Variants in SDHAF3 observed in about 807,000 individuals in gnomAD.
The protein encoded by SDHAF3 is succinate dehydrogenase complex assembly factor 3.
Under a neutral mutation model 11.5 loss-of-function variants are expected in SDHAF3, and 18 were observed. That is an observed-to-expected ratio of 1.56 (90% confidence interval 1.08 to 2.32). The LOEUF (loss-of-function observed/expected upper bound fraction) is 2.32. SDHAF3 is among the 30% of genes most tolerant of loss of function. The pLI is 0.00. For missense variants in SDHAF3, 200 were observed against 154.4 expected, an observed-to-expected ratio of 1.30 and a Z score of -1.57; for synonymous variants, 72 against 59.3, an observed-to-expected ratio of 1.21 and a Z score of -0.99.
At chr7:97,160,297 C>T (rs1789385260) in intron 1 of SDHAF3, among the ~76,000 whole-genome samples, 1 of 144,478 alleles carries the variant, frequency 6.9e-6, no homozygotes, top group African/African-American at 2.6e-5. Flanking sequence ...GCCCGGCCAC[C>T]CCATCTGGGA....
intron 1 of SDHAF3, among the ~76,000 whole-genome samples, chr7:97,176,286 A>G (rs1318556749): frequency 6.6e-6 from 1 of 152,132 alleles, no homozygotes; most frequent in African/African-American, 2.4e-5. Context: ...TGCTTAACTT[A>G]CCCTGAGGAA....
Position 97,117,757 on chromosome 7 carries a change from T to C in SDHAF3, c.34T>C (p.Leu12=), listed in dbSNP as rs761098610. 2.5e-6 allele frequency: 4 copies of C among 1,614,050 alleles called. No homozygotes were observed. The South Asian group carries it at 3.3e-5, about 13-fold the overall frequency. The change falls in exon 1 of 2, where the codon TTG becomes CTG. Residue 12 remains leucine (L), a synonymous_variant. Transcript: ENST00000432641. The stretch of plus-strand genomic sequence containing the variant: ...GCGGCACGTTTCTCGAGTCCGGGCA[T>C]TGTACAAGCGCGTCTTGCAGCTGCA... ...PGRHVSRVRA[L]YKRVLQLHRV...
chr7:97,142,042 C>CTTTTTTTGTTTTTTTTTT (rs1789055503), intron 1 of SDHAF3, among the ~76,000 whole-genome samples: 1 of 61,680 alleles, frequency 1.6e-5, no homozygotes, highest in East Asian at 6.7e-4. Flanking sequence ...GAATTGTTGT[C>CTTTTTTTGTTTTTTTTTT]TTTTTTTTTT....
intron 1 of SDHAF3, among the ~76,000 whole-genome samples, chr7:97,161,936 T>C (rs1351274706): frequency 6.6e-6 from 1 of 152,218 alleles, no homozygotes; most frequent in African/African-American, 2.4e-5. Context: ...TATAATCCTT[T>C]GGGTATATAT....
chr7:97,163,588 GC>G (rs1249861137), intron 1 of SDHAF3, among the ~76,000 whole-genome samples: 1 of 152,168 alleles, frequency 6.6e-6, no homozygotes, highest in African/African-American at 2.4e-5. Context: ...ACATTGATGA[GC>G]CTTGACTCTT....
chr7:97,155,085 T>G (rs1224289719), intron 1 of SDHAF3, among the ~76,000 whole-genome samples: 2 of 152,224 alleles, frequency 1.3e-5, no homozygotes, highest in African/African-American at 4.8e-5. Context: ...CAAAATTGCT[T>G]TGGCTATAAT....
chr7:97,161,141 C>G (rs898766765), intron 1 of SDHAF3, among the ~76,000 whole-genome samples: 3 of 152,170 alleles, frequency 2.0e-5, no homozygotes, highest in Non-Finnish European at 4.4e-5. Flanking sequence ...AGTCACAGTA[C>G]TCTACAGTGT....
chr7:97,166,241 ACAT>A (rs1320862216), intron 1 of SDHAF3, among the ~76,000 whole-genome samples: 1 of 152,208 alleles, frequency 6.6e-6, no homozygotes, highest in Non-Finnish European at 1.5e-5. Context: ...GGAGGTCCTG[ACAT>A]CATATGCCCT....
At chr7:97,158,274 T>C (rs1269729613) in intron 1 of SDHAF3, among the ~76,000 whole-genome samples, 2 of 152,214 alleles carry the variant, frequency 1.3e-5, no homozygotes, top group Admixed American at 1.3e-4. Flanking sequence ...AACCTTTTTT[T>C]GTTGTTTAAT....
At chr7:97,158,898 G>T (rs1039886125) in intron 1 of SDHAF3, among the ~76,000 whole-genome samples, 1 of 152,078 alleles carries the variant, frequency 6.6e-6, no homozygotes, top group African/African-American at 2.4e-5. Context: ...ACAGTGTAAG[G>T]CTCAATGTAA....
chr7:97,167,574 G>A (rs147171343), intron 1 of SDHAF3, among the ~76,000 whole-genome samples: 2 of 152,192 alleles, frequency 1.3e-5, no homozygotes, highest in African/African-American at 2.4e-5. Flanking sequence ...ACACATAGTC[G>A]GCTGTACAGG....
chr7:97,117,994 C>A, intron 1 of SDHAF3, 97 bp downstream of exon 1: 1 of 1,396,810 alleles, frequency 7.2e-7, no homozygotes, highest in Non-Finnish European at 9.8e-7. Flanking sequence ...AACAGAGCAG[C>A]AACCTGTTCT....
chr7:97,121,478 G>C (rs1447347203), intron 1 of SDHAF3, among the ~76,000 whole-genome samples: 1 of 152,186 alleles, frequency 6.6e-6, no homozygotes, highest in Non-Finnish European at 1.5e-5. Flanking sequence ...TTCTGTGTCT[G>C]TTGTGGAATA....
At chr7:97,159,859 T>C (rs1020355226) in intron 1 of SDHAF3, among the ~76,000 whole-genome samples, 1 of 152,228 alleles carries the variant, frequency 6.6e-6, no homozygotes, top group Non-Finnish European at 1.5e-5. Context: ...GTTCTGACAG[T>C]ATTTGCCAGT....
At chr7:97,176,648 C>T (rs181208283) in intron 1 of SDHAF3, among the ~76,000 whole-genome samples, 2 of 152,152 alleles carry the variant, frequency 1.3e-5, no homozygotes, top group African/African-American at 4.8e-5. Context: ...GGTGTACGGG[C>T]GAAAGGTTGG....
chr7:97,127,305 T>C lies in SDHAF3; in HGVS notation c.174+9408T>C, dbSNP rs1251463921. 2.0e-5 allele frequency among the ~76,000 whole-genome samples: 3 copies of C among 152,248 alleles called. No homozygotes were observed. In the South Asian group the frequency reaches 6.2e-4, roughly 31 times the overall value. Reference sequence around the variant, plus strand: ...TTTTCTTCTCTTCAAGTAAAGGCAATGATCCCGGTATCACGGACTGACTGT... The same window carrying C: ...TTTTCTTCTCTTCAAGTAAAGGCAACGATCCCGGTATCACGGACTGACTGT... On this transcript the variant is annotated intron_variant, in intron 1 of 1. Coordinates refer to ENST00000432641, the MANE Select transcript of SDHAF3 (RefSeq NM_020186.3).
At chr7:97,134,038 T>G (rs1235249682) in intron 1 of SDHAF3, among the ~76,000 whole-genome samples, 1 of 152,226 alleles carries the variant, frequency 6.6e-6, no homozygotes, top group African/African-American at 2.4e-5. Context: ...TATAGTTTGT[T>G]TAAGAACTAT....
At chr7:97,166,776 T>C (rs1344813508) in intron 1 of SDHAF3, among the ~76,000 whole-genome samples, 2 of 152,152 alleles carry the variant, frequency 1.3e-5, no homozygotes, top group African/African-American at 4.8e-5. Context: ...ATTTTAGGTT[T>C]ACAGGAATTA....
intron 1 of SDHAF3, among the ~76,000 whole-genome samples, chr7:97,140,869 T>A (rs1159722909): frequency 6.6e-6 from 1 of 152,252 alleles, no homozygotes; most frequent in African/African-American, 2.4e-5. Context: ...AACAGCAATG[T>A]TCAGGGAACA....
Sources: allele counts gnomAD v4.1 joint callset (sites outside exome capture counted in the v4.1 genomes callset), GRCh38; gene constraint gnomAD v4.1.1; transcripts MANE v1.5; gene names NCBI Gene and HGNC (gene_info 2026-07-23, HGNC 2026-07-21).